The following GLT1D1 variants were observed in gnomAD, a reference collection of about 807,000 sequenced individuals.
GLT1D1 encodes the protein glycosyltransferase 1 domain containing 1.
Under a neutral mutation model 28.7 loss-of-function variants are expected in GLT1D1, and 21 were observed. That is an observed-to-expected ratio of 0.73 (90% CI 0.52 to 1.05). GLT1D1 has a LOEUF of 1.05. Among genes scored for constraint, GLT1D1 ranks in the 50% least tolerant of loss-of-function variants. The probability of loss-of-function intolerance (pLI) is 0.00; values close to 1 mark genes in which losing one functional copy is unlikely to be tolerated. For synonymous variants in GLT1D1, 147 were observed against 124.8 expected, an observed-to-expected ratio of 1.18 and a Z score of -1.19; for missense variants, 343 against 330.6, an observed-to-expected ratio of 1.04 and a Z score of -0.29.
intron 2 of GLT1D1, among the ~76,000 whole-genome samples, chr12:128,877,961 C>T (rs1956913334): frequency 6.6e-6 from 1 of 152,232 alleles, no homozygotes; most frequent in South Asian, 2.1e-4. Flanking sequence ...CCACATGGTC[C>T]TCTCCATGGC....
chr12:128,881,579 TATATATATATATATAA>T, intron 2 of GLT1D1, among the ~76,000 whole-genome samples: 1 of 109,914 alleles, frequency 9.1e-6, no homozygotes, highest in African/African-American at 3.5e-5. Context: ...TATATATATA[TATATATATATATATAA>T]AATTTATAGA....
intron 2 of GLT1D1, among the ~76,000 whole-genome samples, chr12:128,881,593 T>TATATATAA (rs1232080188): frequency 9.8e-6 from 1 of 101,628 alleles, no homozygotes; most frequent in African/African-American, 3.8e-5. Context: ...TATATATATA[T>TATATATAA]AAAATTTATA....
chr12:128,962,175 C>G (rs182892478), intron 7 of GLT1D1, among the ~76,000 whole-genome samples: 1 of 152,234 alleles, frequency 6.6e-6, no homozygotes, highest in African/African-American at 2.4e-5. Flanking sequence ...ATGGCGGCCC[C>G]GTGTGCGTGC....
At position 128,903,226 on chromosome 12, in the gene GLT1D1, G is replaced by A. The variant is rs545318742; in HGVS notation, c.375+3939G>A. Among the ~76,000 whole-genome samples the A allele has an allele frequency of 1.3e-5, 2 of 151,538 alleles. 1 individual carries two copies. The stretch of plus-strand genomic sequence containing the variant: ...TTAACAAACCAGTTGCCTTAAACAC[G>A]CAGGGTGGCCTCACTTCCATGCCTG... On this transcript the variant is annotated intron_variant, in intron 4 of 7. Coordinates refer to ENST00000281703, the MANE Select transcript of GLT1D1 (RefSeq NM_144669.3).
chr12:128,966,628 G>A (rs993103124), intron 7 of GLT1D1, among the ~76,000 whole-genome samples: 2 of 152,144 alleles, frequency 1.3e-5, no homozygotes, highest in African/African-American at 4.8e-5. Context: ...CCCAGCACTT[G>A]GGCAGCACCT....
At chr12:128,854,215 G>C (rs1210666211) in intron 1 of GLT1D1, among the ~76,000 whole-genome samples, 1 of 151,690 alleles carries the variant, frequency 6.6e-6, no homozygotes, top group South Asian at 2.1e-4. Flanking sequence ...TTTACTTGTT[G>C]GTCTGTGTTC....
At chr12:128,927,743 A>C (rs1175771148) in intron 4 of GLT1D1, among the ~76,000 whole-genome samples, 1 of 151,860 alleles carries the variant, frequency 6.6e-6, no homozygotes, top group South Asian at 2.1e-4. Flanking sequence ...CACGCCTGTA[A>C]TCCTGGCAAC....
chr12:128,919,854 C>T (rs911387228), intron 4 of GLT1D1, among the ~76,000 whole-genome samples: 7 of 152,064 alleles, frequency 4.6e-5, no homozygotes, highest in Admixed American at 1.3e-4. Flanking sequence ...GCTATCAAAC[C>T]TAAAACGTAT....
At chr12:128,906,934 A>C (rs1164310948) in intron 4 of GLT1D1, 2 of 702,608 alleles carry the variant, frequency 2.8e-6, no homozygotes, top group Non-Finnish European at 5.2e-6. Flanking sequence ...ATTGGCTGTC[A>C]CAAGTGCAGT....
intron 7 of GLT1D1, among the ~76,000 whole-genome samples, chr12:128,981,528 C>T (rs141972279): frequency 7.2e-5 from 11 of 152,284 alleles, no homozygotes; most frequent in African/African-American, 1.7e-4. Flanking sequence ...GAAGTATAAA[C>T]GTAATCTATA....
intron 4 of GLT1D1, 122 bp from the exon 5 acceptor site, chr12:128,912,302 G>T: frequency 1.7e-6 from 1 of 577,680 alleles, no homozygotes; most frequent in South Asian, 2.2e-5. Context: ...CTGTGTAGAT[G>T]ATTCTCAGTG....
At chr12:128,860,395 A>G (rs1956327269) in intron 1 of GLT1D1, among the ~76,000 whole-genome samples, 1 of 152,224 alleles carries the variant, frequency 6.6e-6, no homozygotes, top group African/African-American at 2.4e-5. Flanking sequence ...CAGGTGGCAG[A>G]GGTTGCAGTG....
At chr12:128,979,226 C>T (rs1455139309) in intron 7 of GLT1D1, among the ~76,000 whole-genome samples, 1 of 152,250 alleles carries the variant, frequency 6.6e-6, no homozygotes, top group Non-Finnish European at 1.5e-5. Flanking sequence ...CTGCATGTAA[C>T]AAATCACCAC....
chr12:128,874,116 CTCTCTCTCTCTTTCTTTCTT>C (rs1327884164), intron 1 of GLT1D1, among the ~76,000 whole-genome samples: 12 of 59,538 alleles, frequency 2.0e-4, no homozygotes, highest in African/African-American at 3.4e-4. Flanking sequence ...CTCTCTCTCT[CTCTCTCTCTCTTTCTTTCTT>C]TCTTTCTTTC....
intron 4 of GLT1D1, among the ~76,000 whole-genome samples, chr12:128,928,013 A>C (rs1209474885): frequency 2.7e-5 from 4 of 150,182 alleles, no homozygotes; most frequent in East Asian, 1.9e-4. Flanking sequence ...AAAAAAAAAA[A>C]AAAAAAAAAA....
chr12:128,945,243 G>T (rs1351258300), intron 4 of GLT1D1, 83 bp from the exon 9 acceptor site: 2 of 1,395,722 alleles, frequency 1.4e-6, no homozygotes, highest in Non-Finnish European at 2.0e-6. Flanking sequence ...CTGGCACCAG[G>T]GCTTTGGCCT....
At chr12:128,982,412 T>C (rs1880403062) in intron 7 of GLT1D1, among the ~76,000 whole-genome samples, 1 of 152,142 alleles carries the variant, frequency 6.6e-6, no homozygotes, top group Non-Finnish European at 1.5e-5. Flanking sequence ...CTAAAGCAGA[T>C]ACCACCCGTA....
chr12:128,971,911 C>T (rs961882701), intron 7 of GLT1D1, among the ~76,000 whole-genome samples: 3 of 137,126 alleles, frequency 2.2e-5, no homozygotes, highest in East Asian at 4.6e-4. Context: ...TTGACCTCAT[C>T]GTTCCGCATT....
chr12:128,950,850 CAG>C (rs1045302875), intron 6 of GLT1D1, among the ~76,000 whole-genome samples: 10 of 152,108 alleles, frequency 6.6e-5, no homozygotes, highest in African/African-American at 2.4e-4. Context: ...CTCATAGGAG[CAG>C]AGAGTAGAAT....
Sources: allele counts gnomAD v4.1 joint callset (sites outside exome capture counted in the v4.1 genomes callset), GRCh38; gene constraint gnomAD v4.1.1; transcripts MANE v1.5; gene names NCBI Gene and HGNC (gene_info 2026-07-23, HGNC 2026-07-21).